LINGO2: variants seen among roughly 807,000 people sequenced by gnomAD.
The protein encoded by LINGO2 is leucine rich repeat and Ig domain containing 2.
In LINGO2, 14 loss-of-function variants were observed where a neutral mutation model predicts 30.6. The observed-to-expected ratio is 0.46, with a 90% CI of 0.30 to 0.72. LINGO2 has a LOEUF of 0.72. Ranked by LOEUF, LINGO2 falls within the 30% of genes least tolerant of loss-of-function variation. The pLI is 0.07. For synonymous variants in LINGO2, 317 were observed against 288.5 expected (o/e 1.10, Z -1.00); for missense variants, 729 against 751.7 (o/e 0.97, Z 0.35).
chr9:28,236,500 C>A (rs1821570518), intron 4 of LINGO2, among the ~76,000 whole-genome samples: 5 of 151,984 alleles, frequency 3.3e-5, no homozygotes, highest in Admixed American at 3.3e-4. Context: ...ATGAAACAAT[C>A]AAAAACAGTA....
chr9:28,498,884 TA>T lies in LINGO2; in HGVS notation c.-364-22860del, dbSNP rs555847559. Among the ~76,000 whole-genome samples, 291 of 152,214 alleles carry T rather than the reference TA, an allele frequency of 1.9e-3. 2 individuals carry two copies. Among genetic ancestry groups the T allele is most frequent in the African/African-American group, 6.7e-3 (278 of 41,536 alleles). On this transcript the variant is annotated intron_variant, in intron 1 of 5. Coordinates refer to ENST00000379992, the Ensembl canonical transcript of LINGO2. The stretch of plus-strand genomic sequence containing the variant: ...ACCATAAAAATATAAGACTATATAA[TA>T]AAAATAATACTACATAATGTGGTAG...
At chr9:28,300,907 A>C (rs1476877350) in intron 3 of LINGO2, among the ~76,000 whole-genome samples, 1 of 150,986 alleles carries the variant, frequency 6.6e-6, no homozygotes, top group African/African-American at 2.5e-5. Flanking sequence ...CTTTGAGTAG[A>C]AAATAATTCA....
chr9:28,543,940 C>T (rs964590375), intron 1 of LINGO2, among the ~76,000 whole-genome samples: 1 of 152,006 alleles, frequency 6.6e-6, no homozygotes, highest in African/African-American at 2.4e-5. Flanking sequence ...CACAGTGGCT[C>T]ACACCTGTAA....
At chr9:28,103,452 G>C (rs1235114052) in intron 4 of LINGO2, among the ~76,000 whole-genome samples, 1 of 152,092 alleles carries the variant, frequency 6.6e-6, no homozygotes, top group Non-Finnish European at 1.5e-5. Context: ...CTGTTTCTAT[G>C]TACTGTCTTG....
the LINGO2 span, among the ~76,000 whole-genome samples, chr9:28,749,199 A>T: frequency 6.6e-6 from 1 of 152,002 alleles, no homozygotes; most frequent in African/African-American, 2.4e-5. Context: ...CATTTCCCAC[A>T]CGCATTAGAA....
chr9:28,375,447 G>T lies in LINGO2; in HGVS notation c.-278-2579C>A, dbSNP rs150888824. Among the ~76,000 whole-genome samples, 856 of 152,316 alleles carry T rather than the reference G, an allele frequency of 5.6e-3. 4 individuals are homozygous for T. Among genetic ancestry groups the T allele is most frequent in the East Asian group, 0.012 (63 of 5,182 alleles). ...GGCCTTGTTTAGCACCAAGATCTGA[G>T]GGCCTACAGAGTGTCTGAAAGGTGA... is the stretch of plus-strand genomic sequence containing the variant. On this transcript the variant is annotated intron_variant, in intron 2 of 5. Transcript: ENST00000379992.
chr9:28,187,889 G>A (rs1254065747), intron 4 of LINGO2, among the ~76,000 whole-genome samples: 1 of 152,056 alleles, frequency 6.6e-6, no homozygotes, highest in Admixed American at 6.5e-5. Context: ...ATTTTTTAAA[G>A]CCTCAGAGCC....
chr9:29,023,606 T>TA, the LINGO2 span, among the ~76,000 whole-genome samples: 1 of 152,082 alleles, frequency 6.6e-6, no homozygotes, highest in Admixed American at 6.6e-5. Flanking sequence ...AATATAAAAT[T>TA]GTTTTAGGTA....
chr9:28,540,007 A>C (rs1011422275), intron 1 of LINGO2, among the ~76,000 whole-genome samples: 3 of 152,116 alleles, frequency 2.0e-5, no homozygotes, highest in Admixed American at 1.3e-4. Context: ...TGATGCTGCA[A>C]AATTTGGAAA....
chr9:28,009,264 A>C (rs1822429537), intron 5 of LINGO2, among the ~76,000 whole-genome samples: 1 of 152,064 alleles, frequency 6.6e-6, no homozygotes, highest in African/African-American at 2.4e-5. Flanking sequence ...GTCATAGACA[A>C]ACTATGAGGC....
the LINGO2 span, among the ~76,000 whole-genome samples, chr9:28,746,653 G>A: frequency 6.6e-6 from 1 of 151,824 alleles, no homozygotes; most frequent in Non-Finnish European, 1.5e-5. Flanking sequence ...AAAATATGGA[G>A]AATAATATTA....
At chr9:28,215,115 C>T (rs1482657262) in intron 4 of LINGO2, among the ~76,000 whole-genome samples, 5 of 151,666 alleles carry the variant, frequency 3.3e-5, no homozygotes, top group African/African-American at 9.7e-5. Flanking sequence ...GATATTGCTG[C>T]TTCTCTATTA....
chr9:28,984,005 T>A, the LINGO2 span, among the ~76,000 whole-genome samples: 2 of 152,038 alleles, frequency 1.3e-5, no homozygotes, highest in African/African-American at 2.4e-5. Flanking sequence ...ACTTCTATCT[T>A]TGCACAACTG....
At chr9:28,150,966 C>T (rs540257302) in intron 4 of LINGO2, among the ~76,000 whole-genome samples, 4 of 152,224 alleles carry the variant, frequency 2.6e-5, no homozygotes, top group Admixed American at 2.0e-4. Flanking sequence ...TTCTTTTATC[C>T]TTAAAGAAAC....
intron 4 of LINGO2, among the ~76,000 whole-genome samples, chr9:28,127,257 G>A (rs1216091191): frequency 6.6e-6 from 1 of 152,102 alleles, no homozygotes; most frequent in African/African-American, 2.4e-5. Context: ...GATGTCCAGG[G>A]ATTTTGATGC....
At chr9:29,161,734 T>C in the LINGO2 span, among the ~76,000 whole-genome samples, 1 of 152,208 alleles carries the variant, frequency 6.6e-6, no homozygotes, top group Admixed American at 6.5e-5. Context: ...AGGATACTAA[T>C]CATAGAAAAC....
chr9:28,035,879 AACACACAC>A (rs1177415318), intron 4 of LINGO2, among the ~76,000 whole-genome samples: 2 of 101,376 alleles, frequency 2.0e-5, no homozygotes, highest in African/African-American at 6.8e-5. Context: ...ATGATAGCAG[AACACACAC>A]ACACAAACAC....
At chr9:28,848,840 C>T in the LINGO2 span, among the ~76,000 whole-genome samples, 6,420 of 151,816 alleles carry the variant, frequency 0.042, 424 homozygotes, top group African/African-American at 0.15. Flanking sequence ...TCCTCTCCTT[C>T]CCTCCTTCTA....
chr9:29,082,581 G>A, the LINGO2 span, among the ~76,000 whole-genome samples: 1 of 152,074 alleles, frequency 6.6e-6, no homozygotes, highest in African/African-American at 2.4e-5. Flanking sequence ...ATTGAAAAAT[G>A]GGATCTAATT....
Sources: allele counts gnomAD v4.1 joint callset (sites outside exome capture counted in the v4.1 genomes callset), GRCh38; gene constraint gnomAD v4.1.1; transcripts MANE v1.5; gene names NCBI Gene and HGNC (gene_info 2026-07-23, HGNC 2026-07-21).